DNAJC13: variants seen among roughly 807,000 people sequenced by gnomAD.
DNAJC13 encodes dnaJ homolog subfamily C member 13.
In DNAJC13, 75 loss-of-function variants were observed where a neutral mutation model predicts 290.5. That is an observed-to-expected ratio of 0.26 (90% CI 0.21 to 0.31). The LOEUF (loss-of-function observed/expected upper bound fraction) is 0.31, where lower values mean the gene tolerates loss of function less well. Among genes scored for constraint, DNAJC13 ranks in the 10% least tolerant of loss-of-function variants. DNAJC13 has a pLI of 1.00. For missense variants in DNAJC13, 2,260 were observed against 2,674.5 expected (o/e 0.85, Z 3.42); for synonymous variants, 862 against 892.0 (o/e 0.97, Z 0.60).
At position 132,503,390 on chromosome 3, in the gene DNAJC13, T is replaced by C; in HGVS notation, c.4884+9T>C. 6.2e-7 allele frequency: 1 copy of C among 1,613,804 alleles called. No homozygotes were observed. Among genetic ancestry groups the C allele is most frequent in the South Asian group, 1.1e-5 (1 of 91,032 alleles). The stretch of plus-strand genomic sequence containing the variant: ...TGGCTAGTGTGACTGAGGTATGTGC[T>C]TCACAGGTAGCCTGGGTTTTAATCA... On this transcript the variant is annotated intron_variant, in intron 41 of 55. Coordinates refer to ENST00000260818, the MANE Select transcript of DNAJC13 (RefSeq NM_015268.4).
chr3:132,474,614 T>TA lies in DNAJC13; in HGVS notation c.2292-316dup, dbSNP rs138029604. ...TTGAAATATCAGGTGTTTTTTTTTT[T>TA]AATTCACACAGATTTGTTTCATAGT... On this transcript the variant is annotated intron_variant, in intron 21 of 55. Coordinates refer to ENST00000260818, the MANE Select transcript of DNAJC13 (RefSeq NM_015268.4). Among the ~76,000 whole-genome samples the TA allele has an allele frequency of 0.019, 2,852 of 152,068 alleles. 102 individuals carry two copies. Among genetic ancestry groups the TA allele is most frequent in the African/African-American group, 0.065 (2,680 of 41,478 alleles).
chr3:132,434,402 A>G, intron 1 of DNAJC13, 136 bp from the exon 2 acceptor site: 1 of 519,744 alleles, frequency 1.9e-6, no homozygotes, highest in Non-Finnish European at 3.3e-6. Flanking sequence ...AAAAAAACAA[A>G]ACCTTATGGT....
intron 2 of DNAJC13, among the ~76,000 whole-genome samples, chr3:132,442,006 G>T (rs1301355770): frequency 2.3e-4 from 34 of 145,158 alleles, no homozygotes; most frequent in Admixed American, 3.5e-4. Context: ...TAACACATTG[G>T]TTTTTTTTTT....
At chr3:132,442,571 C>T (rs1479524854) in intron 2 of DNAJC13, among the ~76,000 whole-genome samples, 2 of 151,922 alleles carry the variant, frequency 1.3e-5, no homozygotes, top group African/African-American at 4.8e-5. Context: ...TTTTCTTTGT[C>T]ACCAATTGCA....
Position 132,456,653 on chromosome 3 carries a change from C to G in DNAJC13, c.1180-10C>G. 2 of 1,613,066 alleles carry G rather than the reference C, an allele frequency of 1.2e-6. No individual in the cohort carries two copies. The highest frequency in any genetic ancestry group is 1.1e-5 in the South Asian group (1 of 90,900). On this transcript the variant is annotated splice_polypyrimidine_tract_variant and intron_variant, in intron 11 of 55. Transcript: ENST00000260818. Reference sequence around the variant, plus strand: ...TGGAAACTTTTTTGAAATACTCTTTCTTCACCTAGGGTCTCTTCTCAGAAA... The same window carrying G: ...TGGAAACTTTTTTGAAATACTCTTTGTTCACCTAGGGTCTCTTCTCAGAAA...
Position 132,501,594 on chromosome 3 carries a change from G to A in DNAJC13, c.4536+681G>A, listed in dbSNP as rs145694625. On this transcript the variant is annotated intron_variant, in intron 39 of 55. Transcript: ENST00000260818. ...CAAAAAAAAAAAAGAAAAAAAAACA[G>A]GGCCATGTAAAACCTGAAAACTAGA... 7.6e-3 allele frequency among the ~76,000 whole-genome samples: 1,149 copies of A among 151,816 alleles called. 10 individuals are homozygous for A. The highest frequency in any genetic ancestry group is 0.047 in the South Asian group (227 of 4,788).
intron 8 of DNAJC13, 72 bp from the exon 9 acceptor site, chr3:132,453,994 T>C (rs982111260): frequency 7.4e-5 from 83 of 1,116,434 alleles, no homozygotes; most frequent in South Asian, 1.7e-4. Context: ...AGCTAAGTGA[T>C]GCATTTTATA....
intron 39 of DNAJC13, among the ~76,000 whole-genome samples, chr3:132,501,815 T>C (rs1340841412): frequency 6.6e-6 from 1 of 152,200 alleles, no homozygotes; most frequent in African/African-American, 2.4e-5. Flanking sequence ...GATCTAGTAC[T>C]AAAGTATCAA....
intron 32 of DNAJC13, 89 bp downstream of exon 32, chr3:132,491,140 T>C (rs960479190): frequency 9.1e-7 from 1 of 1,100,288 alleles, no homozygotes; most frequent in African/African-American, 1.6e-5. Flanking sequence ...AAAGAAATGT[T>C]TTCACTAGGT....
rs765566545 is a variant in DNAJC13, at chr3:132,514,544, TTTACTATCCTG to T, written c.5386-24_5386-14del. 1.4e-5 allele frequency: 22 copies of T among 1,544,360 alleles called. No individual in the cohort carries two copies. The highest frequency in any genetic ancestry group is 1.9e-5 in the Non-Finnish European group (21 of 1,128,742). On this transcript the variant is annotated splice_polypyrimidine_tract_variant and intron_variant, in intron 45 of 55. Coordinates refer to ENST00000260818, the MANE Select transcript of DNAJC13 (RefSeq NM_015268.4). ...TAGGTTCAAAATTATTTCTGAAACT[TTTACTATCCTG>T]TTGATTAATTTTCAGGTTGTGAATA...
At chr3:132,460,154 A>G in intron 13 of DNAJC13, 96 bp from the exon 14 acceptor site, 2 of 691,262 alleles carry the variant, frequency 2.9e-6, no homozygotes, top group Admixed American at 3.1e-5. Flanking sequence ...TAATTCTTTC[A>G]ATGTGTAATG....
chr3:132,434,726 T>A, intron 2 of DNAJC13, 108 bp downstream of exon 2: 1 of 728,630 alleles, frequency 1.4e-6, no homozygotes, highest in Non-Finnish European at 2.0e-6. Context: ...TATACAGCCC[T>A]TCTCTTCTGA....
intron 5 of DNAJC13, among the ~76,000 whole-genome samples, chr3:132,448,904 CTTATT>C (rs1400543764): frequency 6.6e-6 from 1 of 152,096 alleles, no homozygotes; most frequent in East Asian, 1.9e-4. Flanking sequence ...ACTTGGTGTG[CTTATT>C]TTAATTATTC....
intron 26 of DNAJC13, among the ~76,000 whole-genome samples, chr3:132,480,992 A>T (rs1257037552): frequency 3.3e-5 from 5 of 152,216 alleles, no homozygotes; most frequent in African/African-American, 1.2e-4. Context: ...TATATGATGT[A>T]TTCTGTTATA....
At chr3:132,439,820 T>A (rs1027440230) in intron 2 of DNAJC13, among the ~76,000 whole-genome samples, 2 of 152,082 alleles carry the variant, frequency 1.3e-5, no homozygotes, top group African/African-American at 4.8e-5. Flanking sequence ...TTCTGAGGAG[T>A]ACAACTTTTT....
intron 8 of DNAJC13, 43 bp from the exon 9 acceptor site, chr3:132,454,023 A>G: frequency 7.0e-7 from 1 of 1,432,380 alleles, no homozygotes; most frequent in East Asian, 2.3e-5. Flanking sequence ...CTATAAAACT[A>G]TAAACTTTTT....
intron 18 of DNAJC13, 60 bp downstream of exon 18, chr3:132,466,130 T>C: frequency 6.8e-7 from 1 of 1,473,506 alleles, no homozygotes; most frequent in Non-Finnish European, 9.5e-7. Context: ...GAACAAGTTA[T>C]CTGTACTGTT....
At chr3:132,523,900 T>G (rs927974633) in intron 51 of DNAJC13, 187 bp downstream of exon 51, 6 of 564,874 alleles carry the variant, frequency 1.1e-5, no homozygotes, top group African/African-American at 9.5e-5. Flanking sequence ...TGAAGCTCTT[T>G]AGTATGTTTA....
chr3:132,522,858 A>G lies in DNAJC13; in HGVS notation c.5704A>G (p.Ser1902Gly). The G allele has an allele frequency of 9.3e-6, 15 of 1,608,732 alleles. No homozygotes were observed. Among genetic ancestry groups the G allele is most frequent in the Admixed American group, 5.1e-5 (3 of 58,720 alleles). The change falls in exon 49 of 56, where the codon AGC (serine) becomes GGC (glycine). Residue 1902 changes from serine to glycine, a missense_variant. This residue lies in a region of DNAJC13 where 1,494 missense variants were observed against 1,693.7 expected (regional missense o/e 0.88). Transcript: ENST00000260818. ...VRITLMKFLP[S>G]VFMDAMRDNP... Reference sequence around the variant, plus strand: ...AATTACGTTAATGAAATTTCTACCAAGCGTTTTCATGGATGCTATGAGAGA... The same window carrying G: ...AATTACGTTAATGAAATTTCTACCAGGCGTTTTCATGGATGCTATGAGAGA...
Sources: gnomAD v4.1 joint callset for allele counts (sites outside exome capture counted in the v4.1 genomes callset) on GRCh38, gnomAD v4.1.1 for gene constraint, gnomAD v4.1.1 regional missense constraint, MANE v1.5 for transcripts, NCBI Gene and HGNC (gene_info 2026-07-23, HGNC 2026-07-21) for gene names.